CLDN14: variants seen among roughly 807,000 people sequenced by gnomAD.
The protein encoded by CLDN14 is claudin-14.
Under a neutral mutation model 2.1 loss-of-function variants are expected in CLDN14, and 2 were observed. The ratio of observed to expected loss-of-function variants is 0.96; its 90% CI spans 0.39 to 3.01. CLDN14 has a LOEUF of 3.01. CLDN14 is among the 30% of genes most tolerant of loss of function. The pLI is 0.09. For missense variants in CLDN14, 298 were observed against 328.0 expected (o/e 0.91, Z 0.71); for synonymous variants, 136 against 154.4 (o/e 0.88, Z 0.88).
chr21:36,508,016 A>G (rs1330354341), intron 2 of CLDN14, among the ~76,000 whole-genome samples: 2 of 152,198 alleles, frequency 1.3e-5, no homozygotes, highest in Non-Finnish European at 2.9e-5. Flanking sequence ...GCACACACAC[A>G]TACATATCAC....
chr21:36,561,511 G>A (rs1344160850), intron 1 of CLDN14, among the ~76,000 whole-genome samples: 3 of 152,078 alleles, frequency 2.0e-5, no homozygotes, highest in African/African-American at 4.8e-5. Context: ...TGGCTGCCCC[G>A]CTGCCCCTCA....
chr21:36,503,565 T>G (rs7279532), intron 2 of CLDN14, among the ~76,000 whole-genome samples: 127,410 of 152,150 alleles, frequency 0.84, 54,099 homozygotes, highest in Non-Finnish European at 0.92. Context: ...GCTCCTCTTT[T>G]CTTTCCACCA....
upstream of CLDN14, among the ~76,000 whole-genome samples, chr21:36,482,068 T>C (rs2086849960): frequency 2.0e-5 from 3 of 152,322 alleles, no homozygotes; most frequent in Admixed American, 2.0e-4. Context: ...TCCATCAACG[T>C]CTGCCCTTGG....
chr21:36,563,034 A>G (rs1423409336), intron 1 of CLDN14, among the ~76,000 whole-genome samples: 2 of 152,216 alleles, frequency 1.3e-5, no homozygotes, highest in Non-Finnish European at 2.9e-5. Flanking sequence ...AAATGTTATC[A>G]TTCTTCAGGG....
intron 1 of CLDN14, among the ~76,000 whole-genome samples, chr21:36,466,821 T>A (rs1376948143): frequency 2.0e-5 from 3 of 152,184 alleles, no homozygotes; most frequent in Non-Finnish European, 4.4e-5. Flanking sequence ...TGCCTATGAA[T>A]CTACAACATC....
chr21:36,510,253 A>C (rs1045913009), intron 2 of CLDN14: 3 of 152,254 alleles, frequency 2.0e-5, no homozygotes, highest in Non-Finnish European at 4.4e-5. Context: ...CCTTTTGGCC[A>C]GTTCCGTTTT....
In CLDN14 at chr21:36,460,853, A is replaced by G. The variant is rs1359153091; in HGVS notation, c.*123T>C. 4 of 1,173,130 alleles carry G rather than the reference A, an allele frequency of 3.4e-6. No homozygotes were observed. The highest frequency in any genetic ancestry group is 4.9e-6 in the Non-Finnish European group (4 of 817,926). The allele number at this position is 1,173,130 out of a possible 1,614,324, so 72.7% of individuals were successfully genotyped here. A position where few individuals can be genotyped will look rare whatever the true frequency, so the allele number is the denominator to read the frequency against. On this transcript the variant is annotated 3_prime_UTR_variant, in exon 2 of 2. Coordinates refer to ENST00000399135, the MANE Select transcript of CLDN14 (RefSeq NM_001146079.2). The surrounding 1 kb of genome is among the most constrained non-coding windows in gnomAD (Gnocchi z 4.0). ...TCTAAAGACATTTCCTCGCATTCAC[A>G]TTATTTCCTTGGATACAAAAATTGC...
intron 1 of CLDN14, among the ~76,000 whole-genome samples, chr21:36,514,947 G>A (rs1399291338): frequency 6.6e-6 from 1 of 152,078 alleles, no homozygotes; most frequent in African/African-American, 2.4e-5. Context: ...CACTCAGAGC[G>A]ACTTGAAAGT....
chr21:36,522,525 C>A (rs965323441), intron 1 of CLDN14, among the ~76,000 whole-genome samples: 1 of 152,188 alleles, frequency 6.6e-6, no homozygotes, highest in Non-Finnish European at 1.5e-5. Context: ...CCTGTTCAGC[C>A]GCCCTCGTTT....
rs116582043 is a variant in CLDN14 at position 36,529,124 on chromosome 21, A to G, written c.-219-18624T>C. ...AGAAAACTACAGGCAAGACATGTTA[A>G]TTATGTTTGAAAGGATGTATCTTTT... is the stretch of plus-strand genomic sequence containing the variant. On this transcript the variant is annotated intron_variant, in intron 1 of 2. Transcript: ENST00000342108. Among the ~76,000 whole-genome samples the G allele has an allele frequency of 1.5e-3, 224 of 152,360 alleles. 1 individual carries two copies. Among genetic ancestry groups the G allele is most frequent in the African/African-American group, 4.3e-3 (179 of 41,580 alleles).
At chr21:36,524,734 A>G (rs1281745748) in intron 1 of CLDN14, among the ~76,000 whole-genome samples, 2 of 152,144 alleles carry the variant, frequency 1.3e-5, no homozygotes, top group East Asian at 3.9e-4. Context: ...ACTTCCCAGC[A>G]GGGCTGGTGG....
intron 1 of CLDN14, among the ~76,000 whole-genome samples, chr21:36,521,417 A>C (rs977286431): frequency 6.6e-6 from 1 of 152,122 alleles, no homozygotes; most frequent in Non-Finnish European, 1.5e-5. Flanking sequence ...AGGAGAGGAG[A>C]GTTGGTGGCT....
chr21:36,465,065 T>C (rs2086628149), intron 1 of CLDN14, among the ~76,000 whole-genome samples: 1 of 152,178 alleles, frequency 6.6e-6, no homozygotes, highest in Non-Finnish European at 1.5e-5. Context: ...GACAGGGACC[T>C]TCAGGGCTGA....
intron 1 of CLDN14, among the ~76,000 whole-genome samples, chr21:36,554,657 G>A (rs1045971890): frequency 6.6e-6 from 1 of 152,122 alleles, no homozygotes; most frequent in Admixed American, 6.5e-5. Context: ...GTCAGAGTCG[G>A]CATTCTGATT....
chr21:36,537,367 A>G (rs966908038), intron 1 of CLDN14, among the ~76,000 whole-genome samples: 2 of 152,240 alleles, frequency 1.3e-5, no homozygotes, highest in Non-Finnish European at 2.9e-5. Context: ...AAAAAGACGT[A>G]ACAATGAACA....
intron 1 of CLDN14, among the ~76,000 whole-genome samples, chr21:36,546,158 A>T (rs1421544593): frequency 6.6e-6 from 1 of 152,180 alleles, no homozygotes; most frequent in Admixed American, 6.5e-5. Context: ...GGCATGCATT[A>T]TTTTCACTTT....
chr21:36,541,985 T>C (rs2087492699), intron 1 of CLDN14, among the ~76,000 whole-genome samples: 2 of 151,796 alleles, frequency 1.3e-5, no homozygotes, highest in Non-Finnish European at 2.9e-5. Context: ...GCAGCCAGAG[T>C]CTCCCTCTGT....
chr21:36,481,851 A>G (rs2086847449), upstream of CLDN14, among the ~76,000 whole-genome samples: 2 of 152,198 alleles, frequency 1.3e-5, no homozygotes, highest in Admixed American at 6.5e-5. Flanking sequence ...TCGTTCATCA[A>G]ATAGTTATTG....
chr21:36,528,493 G>T (rs1405903034), intron 1 of CLDN14, among the ~76,000 whole-genome samples: 3 of 152,178 alleles, frequency 2.0e-5, no homozygotes, highest in Admixed American at 2.0e-4. Flanking sequence ...TCCCTTCTCA[G>T]AGAGAAGTCA....
Sources: allele counts gnomAD v4.1 joint callset (sites outside exome capture counted in the v4.1 genomes callset), GRCh38; gene constraint gnomAD v4.1.1; non-coding constraint Gnocchi (gnomAD v3.1); transcripts MANE v1.5; gene names NCBI Gene and HGNC (gene_info 2026-07-23, HGNC 2026-07-21).